The following SPC25 variants were observed in gnomAD, a reference collection of about 807,000 sequenced individuals.
The protein encoded by SPC25 is kinetochore protein Spc25.
Under a neutral mutation model 29.6 loss-of-function variants are expected in SPC25, and 22 were observed. The ratio of observed to expected loss-of-function variants is 0.74; its 90% confidence interval spans 0.53 to 1.06. The LOEUF (loss-of-function observed/expected upper bound fraction) is 1.06. Among genes scored for constraint, SPC25 ranks in the 50% least tolerant of loss-of-function variants. The probability of loss-of-function intolerance (pLI) is 0.00; values close to 1 mark genes in which losing one functional copy is unlikely to be tolerated. For missense variants in SPC25, 230 were observed against 255.8 expected, an observed-to-expected ratio of 0.90 and a Z score of 0.69; for synonymous variants, 91 against 90.4, an observed-to-expected ratio of 1.01 and a Z score of -0.04.
chr2:168,882,624 AACAG>A (rs1553538974), intron 3 of SPC25, among the ~76,000 whole-genome samples: 31 of 152,068 alleles, frequency 2.0e-4, no homozygotes, highest in African/African-American at 5.3e-4. Context: ...TAAATAAATA[AACAG>A]ACAGACAGAC....
chr2:168,885,319 C>A (rs1690243799), intron 3 of SPC25, among the ~76,000 whole-genome samples: 1 of 152,218 alleles, frequency 6.6e-6, no homozygotes, highest in Admixed American at 6.5e-5. Flanking sequence ...ACTCTTCAGA[C>A]CTGTCACTGG....
chr2:168,874,635 G>C (rs1690055534), intron 5 of SPC25, among the ~76,000 whole-genome samples: 1 of 152,094 alleles, frequency 6.6e-6, no homozygotes, highest in African/African-American at 2.4e-5. Flanking sequence ...TCAGGGCTAT[G>C]ATTTATTACA....
intron 3 of SPC25, among the ~76,000 whole-genome samples, chr2:168,884,115 C>A (rs1322982851): frequency 2.6e-5 from 4 of 152,046 alleles, no homozygotes; most frequent in Non-Finnish European, 5.9e-5. Flanking sequence ...CTGTCTTATT[C>A]CCAGGACCGA....
At chr2:168,865,300 T>TATC in intron 4 of SPC25, 1 of 213,866 alleles carries the variant, frequency 4.7e-6, no homozygotes, top group Non-Finnish European at 9.4e-6. Context: ...AAGTCAGAGT[T>TATC]ATCTGGTAGA....
At chr2:168,872,640 T>C (rs1191071422) in intron 6 of SPC25, among the ~76,000 whole-genome samples, 3 of 152,186 alleles carry the variant, frequency 2.0e-5, no homozygotes, top group Non-Finnish European at 2.9e-5. Flanking sequence ...TATTTTAATA[T>C]ACTATCATGT....
chr2:168,862,018 C>T (rs772341182), intron 4 of SPC25: 1 of 1,614,154 alleles, frequency 6.2e-7, no homozygotes, highest in South Asian at 1.1e-5. Flanking sequence ...CTTTTCAAGC[C>T]AGGCAAGATG....
At chr2:168,868,921 C>A (rs1689926347), downstream of SPC25, among the ~76,000 whole-genome samples, 3 of 152,254 alleles carry the variant, frequency 2.0e-5, no homozygotes, top group Admixed American at 1.3e-4. Flanking sequence ...AATTTTAGAC[C>A]AATATCCTTG....
At chr2:168,884,109 CTT>C (rs1690220751) in intron 3 of SPC25, among the ~76,000 whole-genome samples, 1 of 152,140 alleles carries the variant, frequency 6.6e-6, no homozygotes, top group South Asian at 2.1e-4. Context: ...AGCAGGCTGT[CTT>C]ATTCCCAGGA....
chr2:168,865,236 C>G (rs1455177583), intron 4 of SPC25: 2 of 352,396 alleles, frequency 5.7e-6, no homozygotes, highest in Non-Finnish European at 1.0e-5. Context: ...TCCAGTATAA[C>G]CCCTGGTGTC....
At chr2:168,888,554 C>G (rs1690312365) in intron 3 of SPC25, among the ~76,000 whole-genome samples, 1 of 151,988 alleles carries the variant, frequency 6.6e-6, no homozygotes, top group Admixed American at 6.5e-5. Context: ...GACTCTGTCT[C>G]AAAGTGAGAC....
At chr2:168,887,851 C>T (rs1243858357) in intron 3 of SPC25, among the ~76,000 whole-genome samples, 3 of 152,160 alleles carry the variant, frequency 2.0e-5, no homozygotes, top group African/African-American at 7.2e-5. Context: ...TGATTTCCAA[C>T]GTGAAAACAA....
intron 6 of SPC25, among the ~76,000 whole-genome samples, chr2:168,872,494 T>C (rs1690013208): frequency 6.6e-6 from 1 of 152,132 alleles, no homozygotes; most frequent in African/African-American, 2.4e-5. Context: ...CCAGTGAAGG[T>C]GGTCAAAGGA....
chr2:168,877,297 A>G lies in SPC25; in HGVS notation c.287T>C (p.Leu96Ser). The change falls in exon 4 of 7, where the codon TTG becomes TCG. Residue 96 changes from leucine (L) to serine (S), a missense_variant. Leu to Ser is a moderately radical substitution (Grantham distance 145). Transcript: ENST00000282074. ...CTGGATATTTGCAGTCAGTACTTCC[A>G]ATTCCTGCTTTTTGCCTTTTACTTC... ...IAEVKGKKQE[L>S]EVLTANIQDL... The G allele has an allele frequency of 6.2e-7, 1 of 1,613,816 alleles. No individual in the cohort carries two copies. Among genetic ancestry groups the G allele is most frequent in the Non-Finnish European group, 8.5e-7 (1 of 1,179,848 alleles).
chr2:168,871,693 A>G lies in SPC25; in HGVS notation c.551-138T>C, dbSNP rs562709074. Reference sequence around the variant, plus strand: ...TGAAATTCTTTGAGCAAAAAAGGATACACTTGATTTTCCTATGCCAAATAT... The same window carrying G: ...TGAAATTCTTTGAGCAAAAAAGGATGCACTTGATTTTCCTATGCCAAATAT... On this transcript the variant is annotated intron_variant, in intron 6 of 6. Coordinates refer to ENST00000282074, the MANE Select transcript of SPC25 (RefSeq NM_020675.4). 4.4e-5 allele frequency: 35 copies of G among 795,262 alleles called. No homozygotes were observed. In the East Asian group the frequency reaches 9.0e-4, roughly 20 times the overall value. 49.3% of individuals were successfully genotyped at this position (795,262 alleles called of 1,614,324 possible).
At chr2:168,878,524 A>T (rs115874510) in intron 3 of SPC25, among the ~76,000 whole-genome samples, 6 of 152,218 alleles carry the variant, frequency 3.9e-5, no homozygotes, top group Admixed American at 6.5e-5. Context: ...CTGTTATTTA[A>T]TATTTCCCTA....
At chr2:168,862,477 C>T (rs1485741891) in intron 4 of SPC25, among the ~76,000 whole-genome samples, 1 of 152,132 alleles carries the variant, frequency 6.6e-6, no homozygotes, top group Non-Finnish European at 1.5e-5. Context: ...AGAGATGTAC[C>T]CCACCTTTTT....
At chr2:168,889,958 G>A (rs1196107719) in intron 1 of SPC25, among the ~76,000 whole-genome samples, 1 of 152,076 alleles carries the variant, frequency 6.6e-6, no homozygotes, top group Non-Finnish European at 1.5e-5. Flanking sequence ...CCTCAGAACA[G>A]TAAAAGTTAA....
At chr2:168,888,949 G>GTGTGTATATA (rs1690322935) in intron 3 of SPC25, among the ~76,000 whole-genome samples, 2 of 71,770 alleles carry the variant, frequency 2.8e-5, no homozygotes, top group Admixed American at 1.6e-4. Flanking sequence ...GTGTGTGTGT[G>GTGTGTATATA]TGTGTGTGTA....
chr2:168,862,145 T>C (rs950112764), intron 4 of SPC25: 1 of 1,065,500 alleles, frequency 9.4e-7, no homozygotes, highest in Non-Finnish European at 1.4e-6. Context: ...TAAGAGTTAC[T>C]ACCATGTCAA....
Sources: gnomAD v4.1 joint callset for allele counts (sites outside exome capture counted in the v4.1 genomes callset) on GRCh38, gnomAD v4.1.1 for gene constraint, MANE v1.5 for transcripts, NCBI Gene and HGNC (gene_info 2026-07-23, HGNC 2026-07-21) for gene names.